Variants in ANO3 observed in about 807,000 individuals in gnomAD.
ANO3 encodes anoctamin-3.
In ANO3, 99 loss-of-function variants were observed where a neutral mutation model predicts 144.8. The ratio of observed to expected loss-of-function variants is 0.68; its 90% CI spans 0.58 to 0.81. The LOEUF is 0.81. Among genes scored for constraint, ANO3 ranks in the 30% least tolerant of loss-of-function variants. ANO3 has a pLI of 0.00. For missense variants in ANO3, 905 were observed against 1,202.2 expected, an observed-to-expected ratio of 0.75 and a Z score of 3.66; for synonymous variants, 414 against 392.6, an observed-to-expected ratio of 1.05 and a Z score of -0.64.
At chr11:26,259,620 G>A (rs1419051059) in intron 1 of ANO3, among the ~76,000 whole-genome samples, 2 of 151,370 alleles carry the variant, frequency 1.3e-5, no homozygotes, top group African/African-American at 4.9e-5. Flanking sequence ...AGTTAGCTGA[G>A]ATCATGCCAC....
At chr11:26,279,461 G>A (rs1404644986) in intron 1 of ANO3, among the ~76,000 whole-genome samples, 1 of 152,110 alleles carries the variant, frequency 6.6e-6, no homozygotes, top group Non-Finnish European at 1.5e-5. Flanking sequence ...GATTTCATAT[G>A]CAGAATAAAG....
intron 23 of ANO3, among the ~76,000 whole-genome samples, chr11:26,643,820 C>A (rs1193041811): frequency 6.6e-6 from 1 of 152,146 alleles, no homozygotes; most frequent in Admixed American, 6.6e-5. Flanking sequence ...CATTCTCTTC[C>A]ACTTCCCCGT....
At chr11:26,233,249 T>C (rs12223107) in intron 1 of ANO3, among the ~76,000 whole-genome samples, 2,276 of 149,564 alleles carry the variant, frequency 0.015, 47 homozygotes, top group East Asian at 0.13. Flanking sequence ...AGAAATTTAC[T>C]AGAAAAAAAC....
At chr11:26,525,586 A>G (rs750736746) in intron 6 of ANO3, 49 bp from the exon 7 acceptor site, 13 of 1,470,380 alleles carry the variant, frequency 8.8e-6, no homozygotes, top group Non-Finnish European at 1.2e-5. Context: ...CACTCGTATC[A>G]CTTTATTTTC....
chr11:26,252,360 T>C (rs1029633005), intron 1 of ANO3, among the ~76,000 whole-genome samples: 2 of 152,194 alleles, frequency 1.3e-5, no homozygotes, highest in African/African-American at 4.8e-5. Flanking sequence ...CTTTTTGCTC[T>C]CCAGGCAGTT....
chr11:26,610,590 A>G (rs1296633289), intron 17 of ANO3, among the ~76,000 whole-genome samples: 5 of 152,026 alleles, frequency 3.3e-5, no homozygotes, highest in South Asian at 2.1e-4. Context: ...TTTAAAAAAC[A>G]TCCTTGCCCA....
In ANO3 at chr11:26,441,954, C is replaced by T. The variant is rs917472148; in HGVS notation, c.83C>T (p.Thr28Ile). The T allele has an allele frequency of 5.6e-6, 9 of 1,613,448 alleles. No individual in the cohort carries two copies. The African/African-American group carries it at 1.1e-4, about 19-fold the overall frequency. ...NISKSEITKE[T>I]SLKPSRRSLP... is the part of the protein sequence containing the mutation. ...AGCAAGAGTGAGATAACAAAAGAAA[C>T]TTCGTTAAAACCGTCTCGGAGATCC... Residue 28 changes from threonine to isoleucine, a missense_variant, in exon 2 of 27, where the codon ACT (threonine) becomes ATT (isoleucine). By Grantham distance (89) the Thr-to-Ile change is moderately conservative. Coordinates refer to ENST00000256737, the MANE Select transcript of ANO3 (RefSeq NM_031418.4).
chr11:26,408,794 C>T (rs902361756), intron 1 of ANO3, among the ~76,000 whole-genome samples: 2 of 151,442 alleles, frequency 1.3e-5, no homozygotes, highest in African/African-American at 4.8e-5. Flanking sequence ...ACTATGCAGC[C>T]ATAAAAAATG....
At chr11:26,492,136 T>C (rs972802996) in intron 4 of ANO3, among the ~76,000 whole-genome samples, 1 of 152,240 alleles carries the variant, frequency 6.6e-6, no homozygotes, top group Non-Finnish European at 1.5e-5. Context: ...TTATCTAGAA[T>C]TAAAATAGTG....
At chr11:26,512,611 A>G (rs1373827425) in intron 5 of ANO3, among the ~76,000 whole-genome samples, 1 of 152,228 alleles carries the variant, frequency 6.6e-6, no homozygotes, top group African/African-American at 2.4e-5. Context: ...AAAAATCTCT[A>G]TACATTTTAA....
At chr11:26,330,588 C>CT (rs1213434324), upstream of ANO3, among the ~76,000 whole-genome samples, 1 of 152,158 alleles carries the variant, frequency 6.6e-6, no homozygotes, top group Non-Finnish European at 1.5e-5. Flanking sequence ...CTTCAGATGA[C>CT]TTTAAGACCA....
chr11:26,488,920 G>T (rs1860583174), intron 4 of ANO3, among the ~76,000 whole-genome samples: 1 of 152,186 alleles, frequency 6.6e-6, no homozygotes, highest in South Asian at 2.1e-4. Flanking sequence ...AGTGCTGATT[G>T]GTCCACTTTA....
At chr11:26,593,952 G>T (rs991762745) in intron 14 of ANO3, among the ~76,000 whole-genome samples, 1 of 152,044 alleles carries the variant, frequency 6.6e-6, no homozygotes, top group Non-Finnish European at 1.5e-5. Context: ...TTTTGCTCGG[G>T]GCCTAAGGCG....
At chr11:26,242,175 C>T (rs1852677273) in intron 1 of ANO3, among the ~76,000 whole-genome samples, 1 of 152,178 alleles carries the variant, frequency 6.6e-6, no homozygotes, top group African/African-American at 2.4e-5. Context: ...ATTAATTAAA[C>T]TAGCATTTAA....
At chr11:26,401,696 G>T (rs1025711836) in intron 1 of ANO3, among the ~76,000 whole-genome samples, 2 of 151,908 alleles carry the variant, frequency 1.3e-5, no homozygotes, top group Non-Finnish European at 2.9e-5. Flanking sequence ...GGCCAAAATG[G>T]TAAAACTCCA....
chr11:26,386,026 T>C (rs576544877), intron 1 of ANO3, among the ~76,000 whole-genome samples: 2 of 152,154 alleles, frequency 1.3e-5, no homozygotes, highest in South Asian at 4.2e-4. Flanking sequence ...AGAGCAGAGA[T>C]ACTAGTTTTA....
chr11:26,447,151 G>A (rs1858730053), intron 3 of ANO3, among the ~76,000 whole-genome samples: 3 of 137,878 alleles, frequency 2.2e-5, no homozygotes, highest in Admixed American at 8.1e-5. Context: ...AGGCTACAGT[G>A]AGCTATGATC....
intron 4 of ANO3, among the ~76,000 whole-genome samples, chr11:26,486,988 C>T (rs1484674751): frequency 6.6e-6 from 1 of 152,204 alleles, no homozygotes; most frequent in Non-Finnish European, 1.5e-5. Flanking sequence ...AATGCAGTTG[C>T]CACTGCCCTG....
At chr11:26,534,426 A>G (rs1413760943) in intron 8 of ANO3, 30 bp from the exon 9 acceptor site, 8 of 1,449,686 alleles carry the variant, frequency 5.5e-6, no homozygotes, top group Non-Finnish European at 6.8e-6. Context: ...TTCTGCTTTG[A>G]ATATTAAACC....
Sources: allele counts gnomAD v4.1 joint callset (sites outside exome capture counted in the v4.1 genomes callset), GRCh38; gene constraint gnomAD v4.1.1; transcripts MANE v1.5; gene names NCBI Gene and HGNC (gene_info 2026-07-23, HGNC 2026-07-21).